NKAPD1: variants seen among roughly 807,000 people sequenced by gnomAD.
NKAPD1 encodes the protein uncharacterized protein NKAPD1.
In NKAPD1, 12 loss-of-function variants were observed where a neutral mutation model predicts 30.9. That is an observed-to-expected ratio of 0.39 (90% CI 0.25 to 0.63). The LOEUF is 0.63. Ranked by LOEUF, NKAPD1 falls within the 20% of genes least tolerant of loss-of-function variation. The pLI, the probability that NKAPD1 is intolerant of heterozygous loss-of-function variation, is 0.51. For synonymous variants in NKAPD1, 91 were observed against 113.6 expected, an observed-to-expected ratio of 0.80 and a Z score of 1.26; for missense variants, 311 against 344.5, an observed-to-expected ratio of 0.90 and a Z score of 0.77.
intron 3 of NKAPD1, among the ~76,000 whole-genome samples, chr11:112,080,023 C>G (rs964005173): frequency 2.2e-4 from 33 of 152,232 alleles, no homozygotes; most frequent in Middle Eastern, 3.4e-3. Context: ...CCATGTCCCC[C>G]AGGCTGGTCT....
At chr11:112,081,897 G>A in intron 4 of NKAPD1, 85 bp from the exon 5 acceptor site, 2 of 1,055,268 alleles carry the variant, frequency 1.9e-6, no homozygotes. Context: ...GTGTATGCAT[G>A]TACTCCAAAG....
At chr11:112,079,314 T>G (rs1239333936) in intron 3 of NKAPD1, among the ~76,000 whole-genome samples, 12 of 151,968 alleles carry the variant, frequency 7.9e-5, no homozygotes, top group Middle Eastern at 3.2e-3. Context: ...CCTGGCTAAT[T>G]TTTGTATTTT....
In NKAPD1 at chr11:112,081,806, T is replaced by A. The variant is rs1385978163; in HGVS notation, c.321-176T>A. The stretch of plus-strand genomic sequence containing the variant: ...TAATCTTGTATGTCTGAAGTGATAG[T>A]GTACAGTACAGGAAATGTAGCTGTT... On this transcript the variant is annotated intron_variant, in intron 4 of 5. Coordinates refer to ENST00000393047, the MANE Select transcript of NKAPD1 (RefSeq NM_018195.4). 8 of 591,210 alleles carry A rather than the reference T, an allele frequency of 1.4e-5. No individual in the cohort carries two copies. The Admixed American group carries it at 2.5e-4, about 19-fold the overall frequency. The allele number at this position is 591,210 out of a possible 1,614,324, so 36.6% of individuals were successfully genotyped here.
chr11:112,080,336 T>G, intron 3 of NKAPD1, 73 bp from the exon 4 acceptor site: 2 of 1,484,862 alleles, frequency 1.3e-6, no homozygotes, highest in Non-Finnish European at 1.9e-6. Flanking sequence ...CCATGAGTTT[T>G]GTGCATGATG....
chr11:112,079,412 G>A (rs12417851), intron 3 of NKAPD1, among the ~76,000 whole-genome samples: 46,763 of 152,026 alleles, frequency 0.31, 8,135 homozygotes, highest in East Asian at 0.59. Context: ...CTCCCAAAGT[G>A]CTGGGATTAC....
chr11:112,080,445 A>G lies in NKAPD1; in HGVS notation c.207A>G (p.Gln69=), dbSNP rs747431576. 14 of 1,613,954 alleles carry G rather than the reference A, an allele frequency of 8.7e-6. No individual in the cohort carries two copies. The South Asian group carries it at 1.2e-4, about 14-fold the overall frequency. ...GTGATGGTTTTGATGAAGAAAGTCAAAGATACTATTGGAGGCCAAAGAATG... is the reference window on the plus strand; with the variant it reads ...GTGATGGTTTTGATGAAGAAAGTCAGAGATACTATTGGAGGCCAAAGAATG... ...MRSDGFDEES[Q]RYYWRPKNEI... is the part of the protein sequence containing the mutation. Residue 69 remains glutamine, a synonymous_variant, in exon 4 of 6, where the codon CAA becomes CAG. Coordinates refer to ENST00000393047, the MANE Select transcript of NKAPD1 (RefSeq NM_018195.4).
chr11:112,078,966 G>A (rs1163021163), intron 3 of NKAPD1, among the ~76,000 whole-genome samples: 1 of 152,134 alleles, frequency 6.6e-6, no homozygotes, highest in African/African-American at 2.4e-5. Flanking sequence ...TATCTTCCTT[G>A]TGGAGAGGCC....
rs1432852939 is a variant in NKAPD1 at position 112,084,983 on chromosome 11, T to A, written c.*2011T>A. 4.6e-6 allele frequency: 1 copy of A among 215,134 alleles called. No homozygotes were observed. Among genetic ancestry groups the A allele is most frequent in the Non-Finnish European group, 9.2e-6 (1 of 108,540 alleles). The allele number at this position is 215,134 out of a possible 1,614,324, so 13.3% of individuals were successfully genotyped here. ...AAAACCTACAATCCCCCATTTGCAC[T>A]ACTGGCCATGGAACATTTATTTCTA... On this transcript the variant is annotated 3_prime_UTR_variant, in exon 6 of 6. Transcript: ENST00000393047.
At chr11:112,077,738 G>A (rs184082456) in intron 2 of NKAPD1, among the ~76,000 whole-genome samples, 3 of 152,004 alleles carry the variant, frequency 2.0e-5, no homozygotes, top group Admixed American at 1.3e-4. Flanking sequence ...GGATTGGACT[G>A]TTCAGCCACT....
In NKAPD1 at chr11:112,074,749, G is replaced by T. The variant is rs1430339363; in HGVS notation, c.-176G>T. ...CGCGGCAGTGGCCTGGGCCACAGGTGAGGGCAGAGTAACCAGTGGGAAGGC... is the reference window on the plus strand; with the variant it reads ...CGCGGCAGTGGCCTGGGCCACAGGTTAGGGCAGAGTAACCAGTGGGAAGGC... On this transcript the variant is annotated 5_prime_UTR_variant, in exon 1 of 6. Coordinates refer to ENST00000393047, the MANE Select transcript of NKAPD1 (RefSeq NM_018195.4). 3 of 363,348 alleles carry T rather than the reference G, an allele frequency of 8.3e-6. No homozygotes were observed. The highest frequency in any genetic ancestry group is 2.1e-5 in the African/African-American group (1 of 47,942). 22.5% of individuals were successfully genotyped at this position (363,348 alleles called of 1,614,324 possible).
rs932845229 is a variant in NKAPD1 at position 112,074,717 on chromosome 11, G to C, written c.-208G>C. 7 of 383,874 alleles carry C rather than the reference G, an allele frequency of 1.8e-5. No homozygotes were observed. The highest frequency in any genetic ancestry group is 3.2e-5 in the Non-Finnish European group (7 of 217,010). 23.8% of individuals were successfully genotyped at this position (383,874 alleles called of 1,614,324 possible). A position where few individuals can be genotyped will look rare whatever the true frequency, so the allele number is the denominator to read the frequency against. ...GAGATCTGCCTGTCGGTCTGGGCTGGGGGAAACGCGGCAGTGGCCTGGGCC... is the reference window on the plus strand; with the variant it reads ...GAGATCTGCCTGTCGGTCTGGGCTGCGGGAAACGCGGCAGTGGCCTGGGCC... On this transcript the variant is annotated 5_prime_UTR_variant, in exon 1 of 6. Transcript: ENST00000393047.
intron 2 of NKAPD1, 91 bp from the exon 3 acceptor site, chr11:112,078,124 G>GT: frequency 1.1e-6 from 1 of 933,414 alleles, no homozygotes; most frequent in Non-Finnish European, 1.6e-6. Context: ...GATTACAGGT[G>GT]TGAGCCACTG....
In NKAPD1 at chr11:112,078,290, A is replaced by G. The variant is rs1392469977; in HGVS notation, c.145A>G (p.Arg49Gly). Reference protein sequence around the residue: ...QMEDAYRGTKRKMLPSSSSRM... With the variant: ...QMEDAYRGTKGKMLPSSSSRM... ...GGAAGATGCTTACCGGGGGACCAAA[A>G]GGAAAATGCTACCCAGCAGTTCAAG... Residue 49 changes from arginine to glycine, a missense_variant, in exon 3 of 6, where the codon AGG (arginine) becomes GGG (glycine). Physicochemically the swap from Arg to Gly is moderately radical, Grantham distance 125. Transcript: ENST00000393047. 14 of 1,612,448 alleles carry G rather than the reference A, an allele frequency of 8.7e-6. No homozygotes were observed. The highest frequency in any genetic ancestry group is 1.3e-5 in the African/African-American group (1 of 74,854).
chr11:112,080,145 A>G (rs777755395), intron 3 of NKAPD1, among the ~76,000 whole-genome samples: 45 of 152,088 alleles, frequency 3.0e-4, no homozygotes, highest in Non-Finnish European at 4.7e-4. Context: ...GGACTTTACA[A>G]ATGTACAGAG....
At chr11:112,075,356 G>T (rs1373615722) in intron 1 of NKAPD1, among the ~76,000 whole-genome samples, 1 of 152,188 alleles carries the variant, frequency 6.6e-6, no homozygotes. Context: ...CATTTTCAAA[G>T]AACTTTAATG....
At chr11:112,077,249 A>G (rs1315140394) in intron 2 of NKAPD1, among the ~76,000 whole-genome samples, 1 of 152,248 alleles carries the variant, frequency 6.6e-6, no homozygotes, top group Non-Finnish European at 1.5e-5. Context: ...TAGTAAGCTT[A>G]GATTTAAAAT....
Position 112,083,413 on chromosome 11 carries a change from G to A in NKAPD1, c.*441G>A, listed in dbSNP as rs1209399216. On this transcript the variant is annotated 3_prime_UTR_variant, in exon 6 of 6. Transcript: ENST00000393047. The stretch of plus-strand genomic sequence containing the variant: ...ATTGCTCTCTGTTTATATAGCAGGT[G>A]TCACAACTAACTTGTCTTTAGCCTT... 1 of 153,762 alleles carries A rather than the reference G, an allele frequency of 6.5e-6. No homozygotes were observed. The allele number at this position is 153,762 out of a possible 1,614,324, so 9.5% of individuals were successfully genotyped here.
At position 112,082,029 on chromosome 11, in the gene NKAPD1, C is replaced by G; in HGVS notation, c.368C>G (p.Thr123Arg). ...YKELYPEEFE[T>R]DSSDQQDITN... ...GAGTTATACCCTGAAGAATTTGAAACAGACAGGTAAGGAAAATAGGCTTAC... is the reference window on the plus strand; with the variant it reads ...GAGTTATACCCTGAAGAATTTGAAAGAGACAGGTAAGGAAAATAGGCTTAC... The change falls in exon 5 of 6, where the codon ACA becomes AGA. Residue 123 changes from threonine to arginine, a missense_variant. Physicochemically the swap from Thr to Arg is moderately conservative, Grantham distance 71. Coordinates refer to ENST00000393047, the MANE Select transcript of NKAPD1 (RefSeq NM_018195.4). The G allele has an allele frequency of 6.2e-7, 1 of 1,610,336 alleles. No homozygotes were observed. The highest frequency in any genetic ancestry group is 2.2e-5 in the East Asian group (1 of 44,744).
At chr11:112,077,397 A>G (rs1336386335) in intron 2 of NKAPD1, among the ~76,000 whole-genome samples, 2 of 152,176 alleles carry the variant, frequency 1.3e-5, no homozygotes, top group African/African-American at 4.8e-5. Flanking sequence ...ATTTTATTTT[A>G]TTTTATTTTT....
Sources: allele counts gnomAD v4.1 joint callset (sites outside exome capture counted in the v4.1 genomes callset), GRCh38; gene constraint gnomAD v4.1.1; transcripts MANE v1.5; gene names NCBI Gene and HGNC (gene_info 2026-07-23, HGNC 2026-07-21).